Variants in EPB41L3 observed in about 807,000 individuals in gnomAD.
EPB41L3 encodes the protein band 4.1-like protein 3.
A neutral mutation model predicts 127.1 loss-of-function variants in EPB41L3; 57 were observed. That is an observed-to-expected ratio of 0.45 (90% CI 0.36 to 0.56). EPB41L3 has a LOEUF of 0.56. Ranked by LOEUF, EPB41L3 falls within the 20% of genes least tolerant of loss-of-function variation. The pLI is 0.00. For missense variants in EPB41L3, 1,273 were observed against 1,372.2 expected (o/e 0.93, Z 1.14); for synonymous variants, 572 against 549.5 (o/e 1.04, Z -0.57).
rs144423059 is a variant in EPB41L3 at position 5,490,178 on chromosome 18, C to T, written c.-11-984G>A. On this transcript the variant is annotated intron_variant, in intron 1 of 22. Coordinates refer to ENST00000341928, the MANE Select transcript of EPB41L3 (RefSeq NM_012307.5). ...CTAAGCAGCAAGAGAGCTGCTATTA[C>T]GCCAAGTAGATCCCATGTCATTTTA... 3.8e-3 allele frequency among the ~76,000 whole-genome samples: 580 copies of T among 152,292 alleles called. 3 individuals carry two copies. The highest frequency in any genetic ancestry group is 0.013 in the African/African-American group (552 of 41,554).
At chr18:5,511,394 T>G (rs1328960730) in intron 1 of EPB41L3, among the ~76,000 whole-genome samples, 2 of 119,970 alleles carry the variant, frequency 1.7e-5, no homozygotes, top group Non-Finnish European at 3.4e-5. Context: ...TATTTTGGTT[T>G]TTTTTTTTTT....
intron 3 of EPB41L3, among the ~76,000 whole-genome samples, chr18:5,560,675 A>G (rs957758660): frequency 5.9e-5 from 9 of 152,132 alleles, no homozygotes; most frequent in African/African-American, 2.2e-4. Flanking sequence ...CAGGAAAGGG[A>G]ACATTTGCAC....
At chr18:5,417,883 A>G (rs924884114) in intron 12 of EPB41L3, among the ~76,000 whole-genome samples, 1 of 152,130 alleles carries the variant, frequency 6.6e-6, no homozygotes, top group Non-Finnish European at 1.5e-5. Context: ...GCATGAAGAC[A>G]ACTGTCCTCC....
At chr18:5,601,361 C>G (rs1263386570) in intron 3 of EPB41L3, among the ~76,000 whole-genome samples, 3 of 152,178 alleles carry the variant, frequency 2.0e-5, no homozygotes, top group Non-Finnish European at 2.9e-5. Flanking sequence ...TTGCCTCCCC[C>G]TGTGCTATCC....
intron 5 of EPB41L3, among the ~76,000 whole-genome samples, chr18:5,438,344 G>A (rs892883387): frequency 6.6e-6 from 1 of 152,140 alleles, no homozygotes; most frequent in African/African-American, 2.4e-5. Context: ...TATGGAAACT[G>A]ATCAAACTTC....
chr18:5,489,162 C>A lies in EPB41L3; in HGVS notation c.22G>T (p.Asp8Tyr), dbSNP rs2090289552. Residue 8 changes from aspartate (D) to tyrosine (Y), a missense_variant, in exon 2 of 23, where the codon GAC (aspartate) becomes TAC (tyrosine). Coordinates refer to ENST00000341928, the MANE Select transcript of EPB41L3 (RefSeq NM_012307.5). MTTESGS[D>Y]SESKPDQEAE... ...TCCTGGTCCGGCTTGGATTCCGAGT[C>A]TGATCCAGATTCGGTCGTCATGGTT... 1.9e-6 allele frequency: 3 copies of A among 1,597,596 alleles called. No individual in the cohort carries two copies. Among genetic ancestry groups the A allele is most frequent in the Non-Finnish European group, 2.6e-6 (3 of 1,175,300 alleles).
intron 3 of EPB41L3, among the ~76,000 whole-genome samples, chr18:5,556,720 G>A (rs2094040905): frequency 6.6e-6 from 1 of 152,146 alleles, no homozygotes; most frequent in Non-Finnish European, 1.5e-5. Context: ...AGGAAACATG[G>A]AGTCCACAGA....
intron 1 of EPB41L3, among the ~76,000 whole-genome samples, chr18:5,538,609 C>G (rs1003018004): frequency 1.3e-5 from 2 of 152,212 alleles, no homozygotes; most frequent in African/African-American, 2.4e-5. Flanking sequence ...TAGTTTTCCT[C>G]TCTTTAGTTG....
At chr18:5,577,362 T>G (rs1366046599) in intron 3 of EPB41L3, 1 of 454,108 alleles carries the variant, frequency 2.2e-6, no homozygotes, top group South Asian at 1.6e-5. Context: ...TGAGCACAGA[T>G]AGAGACAGAT....
chr18:5,433,679 A>G, intron 7 of EPB41L3, 123 bp from the exon 8 acceptor site: 2 of 928,576 alleles, frequency 2.2e-6, no homozygotes, highest in Non-Finnish European at 3.2e-6. Context: ...GATACATGAG[A>G]AAAGAATAAC....
At chr18:5,494,355 G>A (rs372175994) in intron 1 of EPB41L3, among the ~76,000 whole-genome samples, 3 of 152,102 alleles carry the variant, frequency 2.0e-5, no homozygotes, top group East Asian at 3.9e-4. Flanking sequence ...CCTGAGTTGT[G>A]TTTAAAGAAA....
At chr18:5,538,106 TATCTA>T (rs759399585) in intron 1 of EPB41L3, among the ~76,000 whole-genome samples, 1 of 152,248 alleles carries the variant, frequency 6.6e-6, no homozygotes, top group Non-Finnish European at 1.5e-5. Context: ...ATTTTCTTCT[TATCTA>T]AAGAACTCTG....
At chr18:5,486,787 C>A (rs2089829437) in intron 2 of EPB41L3, among the ~76,000 whole-genome samples, 1 of 152,118 alleles carries the variant, frequency 6.6e-6, no homozygotes, top group African/African-American at 2.4e-5. Flanking sequence ...TATCATCTCA[C>A]CCCAGTTAAA....
chr18:5,567,873 C>T (rs1383081341), intron 3 of EPB41L3, among the ~76,000 whole-genome samples: 2 of 152,126 alleles, frequency 1.3e-5, no homozygotes, highest in Non-Finnish European at 2.9e-5. Context: ...ATCATTGTAA[C>T]AATCACTTAA....
In EPB41L3 at chr18:5,587,607, C is replaced by T. The variant is rs147144621; in HGVS notation, c.-306+24733G>A. Among the ~76,000 whole-genome samples the T allele has an allele frequency of 7.2e-5, 11 of 152,240 alleles. No homozygotes were observed. The East Asian group carries it at 1.9e-3, about 27-fold the overall frequency. On this transcript the variant is annotated intron_variant, in intron 3 of 21. Transcript: ENST00000545076. ...ATTTGGAAGACTATCCCAGGGAAGG[C>T]ACACTGGTAGCATAGACCACAAATA...
chr18:5,419,961 A>C (rs749005353), intron 11 of EPB41L3, 84 bp from the exon 12 acceptor site: 1 of 1,607,916 alleles, frequency 6.2e-7, no homozygotes, highest in South Asian at 1.1e-5. Flanking sequence ...AAGAAATAAA[A>C]TCCAAAATAG....
intron 3 of EPB41L3, among the ~76,000 whole-genome samples, chr18:5,606,219 T>G (rs1236301828): frequency 6.6e-6 from 1 of 152,144 alleles, no homozygotes; most frequent in African/African-American, 2.4e-5. Flanking sequence ...TCCACCAAAA[T>G]AATTTGGGAA....
intron 1 of EPB41L3, chr18:5,614,477 C>T (rs887265134): frequency 3.3e-5 from 5 of 152,152 alleles, no homozygotes; most frequent in African/African-American, 7.2e-5. Context: ...GGAGTCTCTC[C>T]GCAAAGCAGG....
chr18:5,426,933 A>G (rs1001370221), intron 9 of EPB41L3, among the ~76,000 whole-genome samples: 1 of 152,176 alleles, frequency 6.6e-6, no homozygotes, highest in Non-Finnish European at 1.5e-5. Flanking sequence ...AAGCTTACAG[A>G]TTATTTCAGT....
Sources: allele counts gnomAD v4.1 joint callset (sites outside exome capture counted in the v4.1 genomes callset), GRCh38; gene constraint gnomAD v4.1.1; transcripts MANE v1.5; gene names NCBI Gene and HGNC (gene_info 2026-07-23, HGNC 2026-07-21).